The following MUC17 variants were observed in gnomAD, a reference collection of about 807,000 sequenced individuals.
MUC17 encodes mucin-17.
A neutral mutation model predicts 170.3 loss-of-function variants in MUC17; 190 were observed. The observed-to-expected ratio is 1.12, with a 90% CI of 0.99 to 1.26. The LOEUF is 1.26. MUC17 is among the 50% of genes most tolerant of loss of function. The probability of loss-of-function intolerance (pLI) is 0.00; values close to 1 mark genes in which losing one functional copy is unlikely to be tolerated. For synonymous variants in MUC17, 2,325 were observed against 2,002.5 expected (o/e 1.16, Z -4.30); for missense variants, 6,415 against 5,530.0 (o/e 1.16, Z -5.08).
In MUC17 at chr7:101,033,195, T is replaced by G. The variant is rs760441148; in HGVS notation, c.1779T>G (p.Thr593=). Residue 593 remains threonine, a synonymous_variant, in exon 3 of 13, where the codon ACT becomes ACG. Transcript: ENST00000306151. ...CTGAGGCTAGCACCACTTCAACAAC[T>G]CCTGCTGACTCCAACACTTTTGTGA... ...VSSEASTTST[T]PADSNTFVTT... is the part of the protein sequence containing the mutation. 5.0e-6 allele frequency: 8 copies of G among 1,613,930 alleles called. No homozygotes were observed. Among genetic ancestry groups the G allele is most frequent in the Non-Finnish European group, 6.8e-6 (8 of 1,179,984 alleles).
chr7:101,043,669 A>T lies in MUC17; in HGVS notation c.12253A>T (p.Asn4085Tyr), dbSNP rs751007652. Residue 4085 changes from asparagine (N) to tyrosine (Y), a missense_variant, in exon 3 of 13, where the codon AAC becomes TAC. Physicochemically the swap from Asn to Tyr is moderately radical, Grantham distance 143. Transcript: ENST00000306151. Reference sequence around the variant, plus strand: ...AACCTCTGCCTCCTCCACGACTGTGAACCCTGAGGCTGTCACCACCATGAC... The same window carrying T: ...AACCTCTGCCTCCTCCACGACTGTGTACCCTGAGGCTGTCACCACCATGAC... ...PTTSASSTTV[N>Y]PEAVTTMTTR... 3 of 1,614,144 alleles carry T rather than the reference A, an allele frequency of 1.9e-6. 1 individual carries two copies. In the South Asian group the frequency reaches 3.3e-5, roughly 18 times the overall value.
chr7:101,023,063 T>C (rs973012437), intron 1 of MUC17, among the ~76,000 whole-genome samples: 1 of 151,842 alleles, frequency 6.6e-6, no homozygotes, highest in African/African-American at 2.4e-5. Context: ...CCCTCTGAAG[T>C]CGCCAGGGAA....
Position 101,039,804 on chromosome 7 carries a change from A to T in MUC17, c.8388A>T (p.Glu2796Asp), listed in dbSNP as rs761501430. Residue 2796 changes from glutamate (E) to aspartate (D), a missense_variant, in exon 3 of 13, where the codon GAA (glutamate) becomes GAT (aspartate). Transcript: ENST00000306151. ...TEASSSPTTA[E>D]VTSMPTSTPS... ...CCAGTTCCTCTCCTACAACTGCTGAAGTTACCAGCATGCCAACCTCAACTC... is the reference window on the plus strand; with the variant it reads ...CCAGTTCCTCTCCTACAACTGCTGATGTTACCAGCATGCCAACCTCAACTC... The T allele has an allele frequency of 1.9e-6, 3 of 1,608,786 alleles. No individual in the cohort carries two copies. In the Admixed American group the frequency reaches 5.0e-5, roughly 27 times the overall value.
chr7:101,041,051 T>C lies in MUC17; in HGVS notation c.9635T>C (p.Ile3212Thr). 6.2e-7 allele frequency: 1 copy of C among 1,613,598 alleles called. No homozygotes were observed. The highest frequency in any genetic ancestry group is 8.5e-7 in the Non-Finnish European group (1 of 1,179,952). The change falls in exon 3 of 13, where the codon ATT (isoleucine) becomes ACT (threonine). Residue 3212 changes from isoleucine (I) to threonine (T), a missense_variant. By Grantham distance (89) the Ile-to-Thr change is moderately conservative (BLOSUM62 -1). Coordinates refer to ENST00000306151, the MANE Select transcript of MUC17 (RefSeq NM_001040105.2). Reference protein sequence around the residue: ...TSSTTAEGTSIPTSTPSEGMT... With the variant: ...TSSTTAEGTSTPTSTPSEGMT... ...TCTACAACTGCTGAAGGTACCAGCA[T>C]TCCAACCTCAACTCCTAGTGAAGGA... is the stretch of plus-strand genomic sequence containing the variant.
In MUC17 at chr7:101,038,759, C is replaced by A; in HGVS notation, c.7343C>A (p.Thr2448Asn). 1.2e-6 allele frequency: 2 copies of A among 1,612,578 alleles called. No individual in the cohort carries two copies. Among genetic ancestry groups the A allele is most frequent in the Non-Finnish European group, 1.7e-6 (2 of 1,179,066 alleles). Residue 2448 changes from threonine to asparagine, a missense_variant, in exon 3 of 13, where the codon ACC (threonine) becomes AAC (asparagine). By Grantham distance (65) the Thr-to-Asn change is moderately conservative. Coordinates refer to ENST00000306151, the MANE Select transcript of MUC17 (RefSeq NM_001040105.2). ...PTTAEGTSIPTSPPSEGTTPL... is the reference protein window; with the variant it reads ...PTTAEGTSIPNSPPSEGTTPL... The stretch of plus-strand genomic sequence containing the variant: ...ACTGCTGAAGGTACCAGCATACCAA[C>A]CTCACCTCCTAGTGAAGGAACCACT...
intron 11 of MUC17, 111 bp from the exon 12 acceptor site, chr7:101,056,083 C>T: frequency 4.7e-6 from 7 of 1,486,356 alleles, no homozygotes; most frequent in Non-Finnish European, 6.4e-6. Context: ...TTGCAGTTTC[C>T]TAGGGGTAGA....
chr7:101,021,590 G>T (rs1477203199), intron 1 of MUC17, among the ~76,000 whole-genome samples: 1 of 149,444 alleles, frequency 6.7e-6, no homozygotes, highest in Admixed American at 6.7e-5. Flanking sequence ...CCTCTCCTTG[G>T]CCCCTTCCTG....
chr7:101,036,707 C>T lies in MUC17; in HGVS notation c.5291C>T (p.Ser1764Phe), dbSNP rs2116429659. The T allele has an allele frequency of 6.2e-7, 1 of 1,613,204 alleles. No homozygotes were observed. The highest frequency in any genetic ancestry group is 8.5e-7 in the Non-Finnish European group (1 of 1,179,588). Residue 1764 changes from serine (S) to phenylalanine (F), a missense_variant, in exon 3 of 13, where the codon TCT (serine) becomes TTT (phenylalanine). Physicochemically the swap from Ser to Phe is radical, Grantham distance 155. Transcript: ENST00000306151. ...IPVSTTPVLS[S>F]EASTLSATPI... ...GTCAGCACCACGCCGGTACTCAGTTCTGAGGCTAGCACCCTTTCAGCAACT... is the reference window on the plus strand; with the variant it reads ...GTCAGCACCACGCCGGTACTCAGTTTTGAGGCTAGCACCCTTTCAGCAACT...
rs1205606203 is a variant in MUC17, at chr7:101,058,344, G to A, written c.*300G>A. ...TGCAACATCTTTCACCCCATTGATCGCCAGGATTGATTTGGTTGATCTGGC... is the reference window on the plus strand; with the variant it reads ...TGCAACATCTTTCACCCCATTGATCACCAGGATTGATTTGGTTGATCTGGC... On this transcript the variant is annotated 3_prime_UTR_variant, in exon 13 of 13. Transcript: ENST00000306151. The A allele has an allele frequency of 4.1e-6, 1 of 244,116 alleles. No individual in the cohort carries two copies. The highest frequency in any genetic ancestry group is 7.9e-6 in the Non-Finnish European group (1 of 126,012). 15.1% of individuals were successfully genotyped at this position (244,116 alleles called of 1,614,324 possible). A position where few individuals can be genotyped will look rare whatever the true frequency, so the allele number is the denominator to read the frequency against.
In MUC17 at chr7:101,037,118, A is replaced by C. The variant is rs201203367; in HGVS notation, c.5702A>C (p.Tyr1901Ser). 2 of 1,551,870 alleles carry C rather than the reference A, an allele frequency of 1.3e-6. No individual in the cohort carries two copies. Among genetic ancestry groups the C allele is most frequent in the Admixed American group, 1.8e-5 (1 of 54,986 alleles). Residue 1901 changes from tyrosine (Y) to serine (S), a missense_variant, in exon 3 of 13, where the codon TAT (tyrosine) becomes TCT (serine). Tyr to Ser is a moderately radical substitution (Grantham distance 144). Transcript: ENST00000306151. ...PAVTSTPVTT[Y>S]AQVSSSPTTA... is the part of the protein sequence containing the mutation. ...GTCACCAGCACACCTGTGACCACTT[A>C]TGCTCAAGTCAGTTCATCTCCTACA... is the stretch of plus-strand genomic sequence containing the variant.
rs573706366 is a variant in MUC17 at position 101,022,528 on chromosome 7, A to G, written c.82+2311A>G. On this transcript the variant is annotated intron_variant, in intron 1 of 12. Coordinates refer to ENST00000306151, the MANE Select transcript of MUC17 (RefSeq NM_001040105.2). Reference sequence around the variant, plus strand: ...ACCCCAGCTCCCTACTCCCATCAACAAGGCTCTCCTCCCAGGCCAGGTGCA... The same window carrying G: ...ACCCCAGCTCCCTACTCCCATCAACGAGGCTCTCCTCCCAGGCCAGGTGCA... Among the ~76,000 whole-genome samples the G allele has an allele frequency of 1.1e-3, 171 of 152,190 alleles. 7 individuals carry two copies. The South Asian group carries it at 0.035, about 31-fold the overall frequency.
chr7:101,041,637 C>T lies in MUC17; in HGVS notation c.10221C>T (p.Ser3407=), dbSNP rs749185946. Residue 3407 remains serine (S), a synonymous_variant, in exon 3 of 13, where the codon AGC becomes AGT. Transcript: ENST00000306151. ...CTCCATTAGCAAGTATGCCTGTCAGCACCACGCCGGTGGTCAGTTCTGAGG... is the reference window on the plus strand; with the variant it reads ...CTCCATTAGCAAGTATGCCTGTCAGTACCACGCCGGTGGTCAGTTCTGAGG... The part of the protein sequence containing the change: ...GTTPLASMPV[S]TTPVVSSEVN... 5.6e-6 allele frequency: 9 copies of T among 1,613,878 alleles called. No individual in the cohort carries two copies. Among genetic ancestry groups the T allele is most frequent in the East Asian group, 4.5e-5 (2 of 44,866 alleles).
At chr7:101,023,895 T>G (rs1794137016) in intron 1 of MUC17, among the ~76,000 whole-genome samples, 1 of 148,756 alleles carries the variant, frequency 6.7e-6, no homozygotes, top group Non-Finnish European at 1.5e-5. Context: ...TATTTGCAGT[T>G]TTTTTTTTTG....
At position 101,032,526 on chromosome 7, in the gene MUC17, A is replaced by G; in HGVS notation, c.1110A>G (p.Glu370=). 6.2e-7 allele frequency: 1 copy of G among 1,614,114 alleles called. No individual in the cohort carries two copies. The highest frequency in any genetic ancestry group is 8.5e-7 in the Non-Finnish European group (1 of 1,180,030). Residue 370 remains glutamate (E), a synonymous_variant, in exon 3 of 13, where the codon GAA becomes GAG. Transcript: ENST00000306151. Reference sequence around the variant, plus strand: ...GCACACTTGTGACCACTTCTACTGAACCCAGTTCACTTCCTACAACTGCTG... The same window carrying G: ...GCACACTTGTGACCACTTCTACTGAGCCCAGTTCACTTCCTACAACTGCTG... ...DTSTLVTTST[E]PSSLPTTAEA... is the part of the protein sequence containing the mutation.
chr7:101,039,720 T>C lies in MUC17; in HGVS notation c.8304T>C (p.Ala2768=). 6.2e-7 allele frequency: 1 copy of C among 1,611,414 alleles called. No homozygotes were observed. Among genetic ancestry groups the C allele is most frequent in the Non-Finnish European group, 8.5e-7 (1 of 1,178,428 alleles). The change falls in exon 3 of 13, where the codon GCT becomes GCC. Residue 2768 remains alanine (A), a synonymous_variant. Transcript: ENST00000306151. ...CCCTGCCAGTGGCCAGTTCTGAGGC[T>C]AGCACCGTTTCAACAACTGCTGTTG... ...VSTLPVASSE[A]STVSTTAVDT... is the part of the protein sequence containing the mutation.
intron 1 of MUC17, among the ~76,000 whole-genome samples, chr7:101,026,045 GACTC>G (rs1243366111): frequency 1.3e-5 from 2 of 152,176 alleles, no homozygotes; most frequent in Admixed American, 1.3e-4. Flanking sequence ...GTGTGTGGTG[GACTC>G]ACCCCAATAA....
Position 101,033,279 on chromosome 7 carries a change from C to A in MUC17, c.1863C>A (p.Thr621=). Reference sequence around the variant, plus strand: ...CTGCTGAAGGTACCAGCATGCCAACCTCAACTTACAGTGAAAGAGGCACTA... The same window carrying A: ...CTGCTGAAGGTACCAGCATGCCAACATCAACTTACAGTGAAAGAGGCACTA... The part of the protein sequence containing the change: ...STTAEGTSMP[T]STYSERGTTI... Residue 621 remains threonine (T), a synonymous_variant, in exon 3 of 13, where the codon ACC becomes ACA. Transcript: ENST00000306151. The A allele has an allele frequency of 6.2e-7, 1 of 1,614,064 alleles. No homozygotes were observed. Among genetic ancestry groups the A allele is most frequent in the Non-Finnish European group, 8.5e-7 (1 of 1,179,990 alleles).
Position 101,037,994 on chromosome 7 carries a change from C to T in MUC17, c.6578C>T (p.Thr2193Ile), listed in dbSNP as rs752915502. ...CCTGTTGACACCAGCACACCTGTGA[C>T]CAATTCTACTGAAGCCCGTTCATCT... is the stretch of plus-strand genomic sequence containing the variant. Reference protein sequence around the residue: ...TTPVDTSTPVTNSTEARSSPT... With the variant: ...TTPVDTSTPVINSTEARSSPT... Residue 2193 changes from threonine to isoleucine, a missense_variant, in exon 3 of 13, where the codon ACC (threonine) becomes ATC (isoleucine). By Grantham distance (89) the Thr-to-Ile change is moderately conservative. Coordinates refer to ENST00000306151, the MANE Select transcript of MUC17 (RefSeq NM_001040105.2). The T allele has an allele frequency of 4.8e-5, 77 of 1,607,950 alleles. No homozygotes were observed. The highest frequency in any genetic ancestry group is 6.1e-5 in the Non-Finnish European group (72 of 1,176,814).
chr7:101,056,460 G>A (rs1795047426), intron 12 of MUC17, among the ~76,000 whole-genome samples, 190 bp downstream of exon 12: 1 of 152,190 alleles, frequency 6.6e-6, no homozygotes, highest in Admixed American at 6.5e-5. Context: ...AAGTAGCAAG[G>A]TGGAATCACT....
Sources: allele counts gnomAD v4.1 joint callset (sites outside exome capture counted in the v4.1 genomes callset), GRCh38; gene constraint gnomAD v4.1.1; transcripts MANE v1.5; gene names NCBI Gene and HGNC (gene_info 2026-07-23, HGNC 2026-07-21).